The following LINGO2 variants were observed in gnomAD, a reference collection of about 807,000 sequenced individuals.
The protein encoded by LINGO2 is leucine rich repeat and Ig domain containing 2, also known as leucine-rich repeat and immunoglobulin-like domain-containing nogo receptor-interacting protein 2.
LINGO2 carries 14 observed loss-of-function variants against 30.6 expected under a neutral mutation model. That is an observed-to-expected ratio of 0.46 (90% CI 0.30 to 0.72). LINGO2 has a LOEUF of 0.72. Ranked by LOEUF, LINGO2 falls within the 30% of genes least tolerant of loss-of-function variation. The pLI is 0.07. For synonymous variants in LINGO2, 317 were observed against 288.5 expected (o/e 1.10, Z -1.00); for missense variants, 729 against 751.7 (o/e 0.97, Z 0.35).
chr9:28,075,802 A>C (rs1425298189), intron 4 of LINGO2, among the ~76,000 whole-genome samples: 1 of 151,846 alleles, frequency 6.6e-6, no homozygotes, highest in Non-Finnish European at 1.5e-5. Flanking sequence ...ACACATACTA[A>C]TTCCTTTTTA....
chr9:28,658,750 T>C (rs1828464757), intron 1 of LINGO2, among the ~76,000 whole-genome samples: 1 of 152,084 alleles, frequency 6.6e-6, no homozygotes, highest in Non-Finnish European at 1.5e-5. Context: ...TTTGAACCAC[T>C]GTATTTTGGA....
At chr9:27,991,592 G>C (rs1821401599) in intron 5 of LINGO2, among the ~76,000 whole-genome samples, 1 of 152,022 alleles carries the variant, frequency 6.6e-6, no homozygotes, top group African/African-American at 2.4e-5. Context: ...TAGACAGAAA[G>C]AGGAGCTGAC....
intron 4 of LINGO2, among the ~76,000 whole-genome samples, chr9:28,168,789 C>T (rs1001614273): frequency 5.9e-5 from 9 of 152,162 alleles, no homozygotes; most frequent in Non-Finnish European, 1.3e-4. Context: ...ACAATTGGGA[C>T]AATAAAAATA....
intron 4 of LINGO2, among the ~76,000 whole-genome samples, chr9:28,174,636 T>A (rs1452257276): frequency 6.6e-6 from 1 of 152,186 alleles, no homozygotes; most frequent in Non-Finnish European, 1.5e-5. Flanking sequence ...TTTTGCATGA[T>A]TTTCTTTGGC....
At chr9:27,945,012 G>GAT (rs1823309443), downstream of LINGO2, among the ~76,000 whole-genome samples, 1 of 152,088 alleles carries the variant, frequency 6.6e-6, no homozygotes, top group African/African-American at 2.4e-5. Context: ...TTAAAGTCTT[G>GAT]ATATATCTTT....
At chr9:28,169,339 T>A (rs1394781701) in intron 4 of LINGO2, among the ~76,000 whole-genome samples, 5 of 152,190 alleles carry the variant, frequency 3.3e-5, no homozygotes, top group Middle Eastern at 3.4e-3. Flanking sequence ...GGTAAAAAAA[T>A]TTTTATAGGA....
chr9:28,506,493 C>T (rs372082399), intron 1 of LINGO2, among the ~76,000 whole-genome samples: 66,793 of 79,576 alleles, frequency 0.84, 27,980 homozygotes, highest in South Asian at 0.89. Context: ...CACATACACA[C>T]ACACACACAG....
At chr9:28,256,458 C>T (rs998543180) in intron 4 of LINGO2, among the ~76,000 whole-genome samples, 2 of 151,796 alleles carry the variant, frequency 1.3e-5, no homozygotes, top group African/African-American at 2.4e-5. Flanking sequence ...CTGCTACCCT[C>T]GTAGGTTTTC....
At chr9:29,003,666 G>T in the LINGO2 span, among the ~76,000 whole-genome samples, 4 of 151,836 alleles carry the variant, frequency 2.6e-5, no homozygotes, top group Non-Finnish European at 5.9e-5. Flanking sequence ...AATACTATAC[G>T]GTCTTAATGA....
At chr9:28,354,492 C>T (rs769999075) in intron 3 of LINGO2, among the ~76,000 whole-genome samples, 4 of 152,108 alleles carry the variant, frequency 2.6e-5, no homozygotes, top group Non-Finnish European at 5.9e-5. Flanking sequence ...TGTGATTTTG[C>T]TTCTCAATTC....
At chr9:29,103,465 CATA>C in the LINGO2 span, among the ~76,000 whole-genome samples, 2 of 151,970 alleles carry the variant, frequency 1.3e-5, no homozygotes, top group Non-Finnish European at 2.9e-5. Context: ...CCTATAGCAA[CATA>C]ATAATTTATG....
intron 3 of LINGO2, among the ~76,000 whole-genome samples, chr9:28,343,624 T>C (rs1458062925): frequency 1.3e-5 from 2 of 152,074 alleles, no homozygotes; most frequent in South Asian, 2.1e-4. Context: ...ATTAACATAA[T>C]AGGAAAAAAC....
intron 5 of LINGO2, among the ~76,000 whole-genome samples, chr9:27,955,192 C>T (rs182794984): frequency 1.3e-5 from 2 of 152,252 alleles, no homozygotes; most frequent in Non-Finnish European, 2.9e-5. Context: ...GTCTAATGCA[C>T]AGAATAATTC....
chr9:28,280,837 A>T (rs374704225), intron 4 of LINGO2, among the ~76,000 whole-genome samples: 1 of 152,152 alleles, frequency 6.6e-6, no homozygotes, highest in Admixed American at 6.5e-5. Context: ...AGTCTTCTGC[A>T]AAAAGTTTTC....
the LINGO2 span, among the ~76,000 whole-genome samples, chr9:29,083,798 C>T: frequency 6.6e-6 from 1 of 152,070 alleles, no homozygotes; most frequent in Non-Finnish European, 1.5e-5. Context: ...CATCTAGGTA[C>T]AAGTGATACA....
At chr9:28,912,517 G>A in the LINGO2 span, among the ~76,000 whole-genome samples, 3 of 152,140 alleles carry the variant, frequency 2.0e-5, no homozygotes, top group East Asian at 1.9e-4. Context: ...TGCTCACCCT[G>A]GAAGATATGT....
the LINGO2 span, among the ~76,000 whole-genome samples, chr9:29,102,434 T>C: frequency 1.3e-5 from 2 of 152,166 alleles, no homozygotes; most frequent in East Asian, 1.9e-4. Flanking sequence ...TAGCTCTCTC[T>C]AGAAACAGAA....
At chr9:28,797,359 T>TAGAGAGAGAGAGAGAGAG in the LINGO2 span, among the ~76,000 whole-genome samples, 65 of 34,210 alleles carry the variant, frequency 1.9e-3, 3 homozygotes, top group East Asian at 4.8e-3. Flanking sequence ...TATATATATA[T>TAGAGAGAGAGAGAGAGAG]AGAGAGAGAG....
the LINGO2 span, among the ~76,000 whole-genome samples, chr9:28,737,585 A>C: frequency 6.6e-6 from 1 of 152,146 alleles, no homozygotes; most frequent in African/African-American, 2.4e-5. Context: ...CAAGTATTCT[A>C]CTGAGGCAGC....
Sources: allele counts gnomAD v4.1 joint callset (sites outside exome capture counted in the v4.1 genomes callset), GRCh38; gene constraint gnomAD v4.1.1; transcripts MANE v1.5; gene names NCBI Gene and HGNC (gene_info 2026-07-23, HGNC 2026-07-21).